INPP4B: variants seen among roughly 807,000 people sequenced by gnomAD.
INPP4B encodes inositol polyphosphate-4-phosphatase type II B, also known as inositol polyphosphate 4-phosphatase type II.
Under a neutral mutation model 122.5 loss-of-function variants are expected in INPP4B, and 55 were observed. That is an observed-to-expected ratio of 0.45 (90% CI 0.36 to 0.56). The LOEUF (loss-of-function observed/expected upper bound fraction) is 0.56, where lower values mean the gene tolerates loss of function less well. INPP4B is among the 20% of genes least tolerant of loss of function. The probability of loss-of-function intolerance (pLI) is 0.00; values close to 1 mark genes in which losing one functional copy is unlikely to be tolerated. For synonymous variants in INPP4B, 403 were observed against 388.7 expected, an observed-to-expected ratio of 1.04 and a Z score of -0.43; for missense variants, 1,000 against 1,097.7, an observed-to-expected ratio of 0.91 and a Z score of 1.26.
chr4:142,834,315 A>G (rs568967782), intron 1 of INPP4B, among the ~76,000 whole-genome samples: 17 of 152,350 alleles, frequency 1.1e-4, no homozygotes, highest in African/African-American at 4.1e-4. Flanking sequence ...TAGGATGTTC[A>G]GGTAACACTC....
chr4:142,449,391 C>A (rs1482315500), intron 3 of INPP4B, among the ~76,000 whole-genome samples: 7 of 152,216 alleles, frequency 4.6e-5, no homozygotes, highest in African/African-American at 1.7e-4. Context: ...GAGCCACACT[C>A]TAGACTTACC....
rs541487308 is a variant in INPP4B, at chr4:142,528,076, G to T, written c.-190-65350C>A. ...ATAAAATTATTGCTTTTATTGTCTT[G>T]GCCCTTAAACACACATTTTACTATT... On this transcript the variant is annotated intron_variant, in intron 2 of 25. Transcript: ENST00000262992. 7.9e-5 allele frequency among the ~76,000 whole-genome samples: 12 copies of T among 151,978 alleles called. No homozygotes were observed. The South Asian group carries it at 1.9e-3, about 24-fold the overall frequency.
chr4:142,037,723 A>G (rs1347860655), intron 25 of INPP4B, among the ~76,000 whole-genome samples: 4 of 152,164 alleles, frequency 2.6e-5, no homozygotes, highest in Admixed American at 2.6e-4. Context: ...CATCTGATGG[A>G]TCAATATTAA....
intron 2 of INPP4B, among the ~76,000 whole-genome samples, chr4:142,624,832 C>T (rs1435900216): frequency 2.6e-5 from 4 of 152,044 alleles, no homozygotes; most frequent in Non-Finnish European, 4.4e-5. Flanking sequence ...TCAATATACG[C>T]AAATCAATAA....
chr4:142,579,533 C>T (rs899490812), intron 2 of INPP4B, among the ~76,000 whole-genome samples: 2 of 151,922 alleles, frequency 1.3e-5, no homozygotes, highest in South Asian at 4.1e-4. Flanking sequence ...CTTAGTAAAG[C>T]AGATTGCCCT....
intron 16 of INPP4B, among the ~76,000 whole-genome samples, chr4:142,172,830 C>T (rs563640819): frequency 1.2e-4 from 19 of 152,066 alleles, no homozygotes; most frequent in African/African-American, 3.6e-4. Context: ...GTTTCTCCAA[C>T]GGCATATTTA....
intron 17 of INPP4B, among the ~76,000 whole-genome samples, chr4:142,156,110 T>C (rs1370772354): frequency 6.6e-6 from 1 of 151,812 alleles, no homozygotes; most frequent in Non-Finnish European, 1.5e-5. Flanking sequence ...TGCCGCTTGA[T>C]GCAGAAATGT....
At chr4:142,761,395 A>C (rs951663893) in intron 1 of INPP4B, among the ~76,000 whole-genome samples, 4 of 152,104 alleles carry the variant, frequency 2.6e-5, no homozygotes, top group African/African-American at 9.7e-5. Context: ...ACATCATATA[A>C]TTTATTTTAA....
chr4:142,059,781 C>T (rs1486849453), intron 25 of INPP4B, among the ~76,000 whole-genome samples: 1 of 152,144 alleles, frequency 6.6e-6, no homozygotes, highest in Non-Finnish European at 1.5e-5. Context: ...CTCCATTCTA[C>T]CGATGGCATA....
chr4:142,562,152 C>A (rs1730613507), intron 2 of INPP4B, among the ~76,000 whole-genome samples: 1 of 152,118 alleles, frequency 6.6e-6, no homozygotes, highest in Non-Finnish European at 1.5e-5. Flanking sequence ...GAGGTTCTCA[C>A]TACATCATTT....
intron 1 of INPP4B, among the ~76,000 whole-genome samples, chr4:142,797,674 G>T (rs948729230): frequency 6.6e-6 from 1 of 151,186 alleles, no homozygotes; most frequent in Non-Finnish European, 1.5e-5. Context: ...AATAATAAAA[G>T]ATTGCTAACA....
At chr4:142,503,480 G>A (rs993959845) in intron 2 of INPP4B, among the ~76,000 whole-genome samples, 25 of 151,956 alleles carry the variant, frequency 1.6e-4, no homozygotes, top group African/African-American at 6.0e-4. Context: ...ATGCTATATG[G>A]AACAAAACCA....
At chr4:142,480,366 A>G (rs1820360040) in intron 2 of INPP4B, among the ~76,000 whole-genome samples, 1 of 151,982 alleles carries the variant, frequency 6.6e-6, no homozygotes, top group African/African-American at 2.4e-5. Flanking sequence ...TTTTTCAGAA[A>G]CTCAGCCTGA....
chr4:142,524,948 C>G (rs567595227), intron 2 of INPP4B, among the ~76,000 whole-genome samples: 33 of 152,180 alleles, frequency 2.2e-4, no homozygotes, highest in South Asian at 8.3e-4. Context: ...AAGTCAAATT[C>G]TCCCTGTTTG....
chr4:142,728,802 GC>G (rs1297291141), intron 1 of INPP4B, among the ~76,000 whole-genome samples: 3 of 152,160 alleles, frequency 2.0e-5, no homozygotes, highest in Non-Finnish European at 4.4e-5. Flanking sequence ...TAGATTTCTA[GC>G]CTCCAGAAAT....
chr4:142,691,484 A>C (rs1037381086), intron 2 of INPP4B, among the ~76,000 whole-genome samples: 1 of 152,128 alleles, frequency 6.6e-6, no homozygotes, highest in African/African-American at 2.4e-5. Flanking sequence ...CTTTATAAAA[A>C]TCAAACAAGG....
At chr4:142,308,093 T>G (rs1764121715) in intron 8 of INPP4B, among the ~76,000 whole-genome samples, 1 of 152,296 alleles carries the variant, frequency 6.6e-6, no homozygotes, top group Admixed American at 6.5e-5. Flanking sequence ...AAGCAGAACG[T>G]TGGCTTGTCC....
At chr4:142,510,435 A>G (rs746650176) in intron 2 of INPP4B, among the ~76,000 whole-genome samples, 13 of 152,366 alleles carry the variant, frequency 8.5e-5, no homozygotes, top group African/African-American at 1.9e-4. Context: ...GCAATAATAA[A>G]GAACAAACAT....
Position 142,120,298 on chromosome 4 carries a change from C to G in INPP4B, c.2135+1830G>C, listed in dbSNP as rs1228289796. ...GTGTAAGTTTTTCCACTTTGTTCTT[C>G]TTTTACAAAATGTCTGGGTCCTTTG... On this transcript the variant is annotated intron_variant, in intron 21 of 25. Coordinates refer to ENST00000262992, the MANE Select transcript of INPP4B (RefSeq NM_001101669.3). Among the ~76,000 whole-genome samples, 10 of 151,962 alleles carry G rather than the reference C, an allele frequency of 6.6e-5. No individual in the cohort carries two copies. The South Asian group carries it at 1.9e-3, about 28-fold the overall frequency.
Sources: gnomAD v4.1 joint callset for allele counts (sites outside exome capture counted in the v4.1 genomes callset) on GRCh38, gnomAD v4.1.1 for gene constraint, MANE v1.5 for transcripts, NCBI Gene and HGNC (gene_info 2026-07-23, HGNC 2026-07-21) for gene names.